MTERF4: variants seen among roughly 807,000 people sequenced by gnomAD.
The protein encoded by MTERF4 is mitochondrial transcription termination factor 4, also known as transcription termination factor 4, mitochondrial.
A neutral mutation model predicts 22.5 loss-of-function variants in MTERF4; 17 were observed. The ratio of observed to expected loss-of-function variants is 0.75; its 90% CI spans 0.52 to 1.13. The LOEUF (loss-of-function observed/expected upper bound fraction) is 1.13. Among genes scored for constraint, MTERF4 ranks in the 50% most tolerant of loss-of-function variants. The pLI is 0.00. For missense variants in MTERF4, 420 were observed against 466.8 expected (o/e 0.90, Z 0.92); for synonymous variants, 165 against 175.3 (o/e 0.94, Z 0.47).
downstream of MTERF4, chr2:241,070,211 G>T (rs374943499): frequency 2.0e-4 from 317 of 1,597,134 alleles, 1 homozygote; most frequent in African/African-American, 3.8e-3. Flanking sequence ...TGTGAGTGCC[G>T]TGGGCCCTGC....
At chr2:241,044,539 A>G in the MTERF4 span, among the ~76,000 whole-genome samples, 6 of 152,176 alleles carry the variant, frequency 3.9e-5, no homozygotes, top group Admixed American at 3.3e-4. Context: ...TGGTGAGTTT[A>G]CCATTTTTTG....
chr2:241,087,838 G>A (rs1337190565), downstream of MTERF4: 1 of 557,530 alleles, frequency 1.8e-6, no homozygotes, highest in African/African-American at 1.9e-5. Flanking sequence ...TCACACCCAG[G>A]TTCTTTCCAC....
chr2:241,090,263 T>C, downstream of MTERF4: 2 of 1,527,026 alleles, frequency 1.3e-6, no homozygotes, highest in Non-Finnish European at 1.8e-6. Flanking sequence ...AACACACACA[T>C]TGGCTTATGC....
chr2:241,080,985 G>A (rs947520842), intron 4 of MTERF4, among the ~76,000 whole-genome samples: 13 of 152,244 alleles, frequency 8.5e-5, no homozygotes, highest in Non-Finnish European at 1.5e-5. Flanking sequence ...GGATCTCGAT[G>A]TCTTGCTCGA....
the MTERF4 span, among the ~76,000 whole-genome samples, chr2:241,050,825 C>A: frequency 5.4e-5 from 8 of 146,914 alleles, no homozygotes; most frequent in African/African-American, 1.8e-4. Context: ...TCCACTGTAC[C>A]CAAGGTGGGG....
chr2:241,048,465 C>T, the MTERF4 span: 8 of 1,574,654 alleles, frequency 5.1e-6, no homozygotes, highest in Admixed American at 1.3e-4. Context: ...CAAGGGCTGC[C>T]GTTTTAGGGC....
chr2:241,055,324 T>A, the MTERF4 span, among the ~76,000 whole-genome samples: 1 of 152,110 alleles, frequency 6.6e-6, no homozygotes, highest in East Asian at 1.9e-4. Flanking sequence ...CCAGACACAT[T>A]ATAGTAAAAT....
the MTERF4 span, chr2:241,048,643 C>G: frequency 6.3e-7 from 1 of 1,593,620 alleles, no homozygotes; most frequent in South Asian, 1.1e-5. Flanking sequence ...TGGGAGGCTC[C>G]TCCCTCTCTT....
chr2:241,047,146 CAAAAAAAA>C, the MTERF4 span, among the ~76,000 whole-genome samples: 9 of 68,176 alleles, frequency 1.3e-4, no homozygotes, highest in Non-Finnish European at 2.4e-4. Context: ...GAGACTCTGT[CAAAAAAAA>C]AAAAAAAAAA....
chr2:241,062,361 A>G, the MTERF4 span, among the ~76,000 whole-genome samples: 1 of 152,330 alleles, frequency 6.6e-6, no homozygotes, highest in African/African-American at 2.4e-5. Context: ...TAAATTCAGG[A>G]GCACAACTCC....
intron 1 of MTERF4, 146 bp from the exon 2 acceptor site, chr2:241,100,040 C>T: frequency 1.0e-6 from 1 of 988,756 alleles, no homozygotes; most frequent in South Asian, 1.8e-5. Flanking sequence ...CCTATCTGAA[C>T]TTAAGCCTAC....
the MTERF4 span, among the ~76,000 whole-genome samples, chr2:241,061,626 C>T: frequency 6.6e-6 from 1 of 152,106 alleles, no homozygotes; most frequent in Non-Finnish European, 1.5e-5. Context: ...TAGACTCATG[C>T]CTGTAATCCC....
downstream of MTERF4, among the ~76,000 whole-genome samples, chr2:241,083,983 T>A (rs1305580033): frequency 6.6e-6 from 1 of 151,952 alleles, no homozygotes; most frequent in East Asian, 1.9e-4. Context: ...CTTTTTAGGA[T>A]TCCATTTTGT....
intron 1 of MTERF4, among the ~76,000 whole-genome samples, chr2:241,101,667 T>C (rs967985189): frequency 3.9e-5 from 6 of 152,224 alleles, no homozygotes; most frequent in African/African-American, 1.4e-4. Flanking sequence ...CCCGTGGAAC[T>C]GGGCTCAAGC....
chr2:241,085,486 A>G (rs78942054), downstream of MTERF4, among the ~76,000 whole-genome samples: 2,496 of 152,218 alleles, frequency 0.016, 62 homozygotes, highest in African/African-American at 0.057. Context: ...ATTTTCCTTT[A>G]GCTCACTGAA....
At chr2:241,077,964 G>C (rs6437233) in intron 4 of MTERF4, among the ~76,000 whole-genome samples, 81,987 of 152,048 alleles carry the variant, frequency 0.54, 24,609 homozygotes, top group African/African-American at 0.82. Flanking sequence ...CCCAGTAATT[G>C]CACTCCTAGG....
chr2:241,089,182 A>C (rs561821620), downstream of MTERF4: 212 of 1,026,942 alleles, frequency 2.1e-4, 2 homozygotes, highest in African/African-American at 3.2e-3. Context: ...CCAGTTTCAT[A>C]CTGACCATCA....
chr2:241,048,195 A>T, the MTERF4 span: 1 of 1,230,080 alleles, frequency 8.1e-7, no homozygotes, highest in Non-Finnish European at 1.1e-6. Context: ...CTTCTGGCTT[A>T]AATTCCACTT....
At chr2:241,061,202 G>T in the MTERF4 span, among the ~76,000 whole-genome samples, 1 of 148,578 alleles carries the variant, frequency 6.7e-6, no homozygotes, top group Non-Finnish European at 1.5e-5. Context: ...TAGGAAAATA[G>T]AAAAAAAAAC....
Sources: allele counts gnomAD v4.1 joint callset (sites outside exome capture counted in the v4.1 genomes callset), GRCh38; gene constraint gnomAD v4.1.1; transcripts MANE v1.5; gene names NCBI Gene and HGNC (gene_info 2026-07-23, HGNC 2026-07-21).